The following F13B variants were observed in gnomAD, a reference collection of about 807,000 sequenced individuals.
The protein encoded by F13B is TGase.
Under a neutral mutation model 79.8 loss-of-function variants are expected in F13B, and 58 were observed. The ratio of observed to expected loss-of-function variants is 0.73; its 90% CI spans 0.59 to 0.90. The LOEUF is 0.90. F13B is among the 40% of genes least tolerant of loss of function. The pLI is 0.00. For synonymous variants in F13B, 283 were observed against 260.3 expected, an observed-to-expected ratio of 1.09 and a Z score of -0.84; for missense variants, 773 against 777.0, an observed-to-expected ratio of 0.99 and a Z score of 0.06.
At chr1:197,045,372 AC>A (rs893399340) in intron 10 of F13B, among the ~76,000 whole-genome samples, 6 of 152,228 alleles carry the variant, frequency 3.9e-5, no homozygotes, top group African/African-American at 1.4e-4. Flanking sequence ...ATCAGAGAAT[AC>A]TATAAACACT....
chr1:197,061,108 T>G (rs1390363120), intron 3 of F13B, 33 bp from the exon 4 acceptor site: 4 of 298,612 alleles, frequency 1.3e-5, no homozygotes, highest in African/African-American at 1.1e-4. Context: ...TTTTATAAAC[T>G]TTTTTAATAA....
rs561905432 is a variant in F13B, at chr1:197,039,882, T to A, written c.1953-471A>T. ...CACATGCACTTTGCCACTACTTATA[T>A]TTTTAATATTCTTAGTTGAACAAAA... On this transcript the variant is annotated intron_variant, in intron 11 of 11. Transcript: ENST00000367412. 1.6e-4 allele frequency among the ~76,000 whole-genome samples: 24 copies of A among 152,230 alleles called. No homozygotes were observed. In the East Asian group the frequency reaches 3.9e-3, roughly 24 times the overall value.
chr1:197,058,387 A>G (rs543693527), intron 5 of F13B, among the ~76,000 whole-genome samples: 6 of 152,298 alleles, frequency 3.9e-5, no homozygotes, highest in African/African-American at 1.4e-4. Flanking sequence ...GCACAGATTT[A>G]TCCTCCTACA....
intron 8 of F13B, among the ~76,000 whole-genome samples, chr1:197,054,206 T>C (rs1655555485): frequency 6.6e-6 from 1 of 152,160 alleles, no homozygotes; most frequent in South Asian, 2.1e-4. Flanking sequence ...TATAGAATGA[T>C]GTATTTCCTT....
At chr1:197,054,831 C>T (rs1356309721) in intron 8 of F13B, among the ~76,000 whole-genome samples, 1 of 151,934 alleles carries the variant, frequency 6.6e-6, no homozygotes, top group Non-Finnish European at 1.5e-5. Flanking sequence ...GCAGAACAAA[C>T]TTTCTGATAG....
At chr1:197,048,103 T>A (rs1012023482) in intron 10 of F13B, among the ~76,000 whole-genome samples, 1 of 151,748 alleles carries the variant, frequency 6.6e-6, no homozygotes, top group Admixed American at 6.6e-5. Context: ...ACCTGCACAT[T>A]GTGCATATGT....
intron 10 of F13B, among the ~76,000 whole-genome samples, chr1:197,048,176 GGA>G (rs1163320822): frequency 1.3e-5 from 2 of 149,918 alleles, no homozygotes; most frequent in African/African-American, 4.9e-5. Context: ...ACACCTATAT[GGA>G]GAGAGAGAGA....
chr1:197,054,687 A>G (rs17514627), intron 8 of F13B, among the ~76,000 whole-genome samples: 2,818 of 151,994 alleles, frequency 0.019, 87 homozygotes, highest in African/African-American at 0.064. Context: ...TTCCAAATTA[A>G]TTAATTCTTA....
intron 10 of F13B, among the ~76,000 whole-genome samples, chr1:197,042,024 T>G (rs989541825): frequency 6.6e-6 from 1 of 152,212 alleles, no homozygotes; most frequent in Admixed American, 6.5e-5. Context: ...TTTATTATAC[T>G]ACTAAGTGCA....
intron 7 of F13B, among the ~76,000 whole-genome samples, chr1:197,056,423 T>C (rs944741999): frequency 6.6e-6 from 1 of 152,148 alleles, no homozygotes. Flanking sequence ...GTTGCTCTGA[T>C]CTGATTAAGA....
intron 7 of F13B, 45 bp downstream of exon 7, chr1:197,056,968 T>C (rs1655662085): frequency 6.2e-7 from 1 of 1,601,614 alleles, no homozygotes; most frequent in African/African-American, 1.3e-5. Context: ...ATGGAAAATT[T>C]TACACCATAA....
intron 9 of F13B, 26 bp from the exon 10 acceptor site, chr1:197,050,905 C>A (rs1272410302): frequency 1.3e-6 from 2 of 1,569,908 alleles, no homozygotes; most frequent in African/African-American, 1.4e-5. Context: ...TTAAAGTATA[C>A]AATGAATTGC....
intron 10 of F13B, among the ~76,000 whole-genome samples, chr1:197,043,283 C>T (rs889065171): frequency 3.3e-5 from 5 of 152,078 alleles, no homozygotes; most frequent in African/African-American, 9.7e-5. Flanking sequence ...GGTCTGAAAA[C>T]AAACATAGAG....
At chr1:197,047,050 A>G (rs1655259731) in intron 10 of F13B, among the ~76,000 whole-genome samples, 1 of 152,240 alleles carries the variant, frequency 6.6e-6, no homozygotes, top group Non-Finnish European at 1.5e-5. Flanking sequence ...CTAACACCAT[A>G]CAAACCCTAG....
At chr1:197,051,937 G>A (rs905813725) in intron 9 of F13B, among the ~76,000 whole-genome samples, 3 of 152,188 alleles carry the variant, frequency 2.0e-5, no homozygotes, top group South Asian at 2.1e-4. Context: ...TTTGTCACAT[G>A]GGCAGATTGC....
chr1:197,052,915 CAA>C, intron 8 of F13B, 81 bp from the exon 9 acceptor site: 1 of 1,100,352 alleles, frequency 9.1e-7, no homozygotes, highest in Admixed American at 2.0e-5. Flanking sequence ...AAAATTATGA[CAA>C]GTTTCAAAAG....
chr1:197,044,855 C>T (rs913200776), intron 10 of F13B, among the ~76,000 whole-genome samples: 48 of 152,102 alleles, frequency 3.2e-4, no homozygotes, highest in African/African-American at 1.1e-3. Context: ...TTAAGAAACT[C>T]ACTCAAAACT....
chr1:197,052,943 G>A, intron 8 of F13B, 109 bp from the exon 9 acceptor site: 1 of 767,068 alleles, frequency 1.3e-6, no homozygotes, highest in Non-Finnish European at 2.1e-6. Flanking sequence ...TTTTATAATT[G>A]AAATCATAAT....
rs1175104011 is a variant in F13B, at chr1:197,039,027, TA to T, written c.*350del. Among the ~76,000 whole-genome samples, 1 of 152,084 alleles carries T rather than the reference TA, an allele frequency of 6.6e-6. No homozygotes were observed. Among genetic ancestry groups the T allele is most frequent in the African/African-American group, 2.4e-5 (1 of 41,436 alleles). On this transcript the variant is annotated 3_prime_UTR_variant, in exon 12 of 12. Transcript: ENST00000367412. ...AGGGTAACAAAAGCCTTAATATTAA[TA>T]AAGATGATGACGAATGTGAATGTGA...
Sources: gnomAD v4.1 joint callset for allele counts (sites outside exome capture counted in the v4.1 genomes callset) on GRCh38, gnomAD v4.1.1 for gene constraint, MANE v1.5 for transcripts, NCBI Gene and HGNC (gene_info 2026-07-23, HGNC 2026-07-21) for gene names.